The following BCAR1 variants were observed in gnomAD, a reference collection of about 807,000 sequenced individuals.
The protein encoded by BCAR1 is breast cancer anti-estrogen resistance protein 1.
BCAR1 carries 30 observed loss-of-function variants against 67.6 expected under a neutral mutation model. The observed-to-expected ratio is 0.44, with a 90% CI of 0.33 to 0.60. The LOEUF (loss-of-function observed/expected upper bound fraction) is 0.60, where lower values mean the gene tolerates loss of function less well. BCAR1 is among the 20% of genes least tolerant of loss of function. The pLI is 0.02. For synonymous variants in BCAR1, 626 were observed against 556.7 expected, an observed-to-expected ratio of 1.12 and a Z score of -1.75; for missense variants, 1,313 against 1,222.3, an observed-to-expected ratio of 1.07 and a Z score of -1.11.
At chr16:75,242,157 G>T (rs183376263) in intron 2 of BCAR1, among the ~76,000 whole-genome samples, 14 of 152,210 alleles carry the variant, frequency 9.2e-5, no homozygotes, top group Non-Finnish European at 2.9e-5. Flanking sequence ...CCCAGCAACT[G>T]CCGACCCCAT....
chr16:75,238,781 T>G, intron 2 of BCAR1: 2 of 985,500 alleles, frequency 2.0e-6, no homozygotes, highest in Non-Finnish European at 2.4e-6. Context: ...CAGAACTATT[T>G]TTAGATGCAG....
Position 75,251,586 on chromosome 16 carries a change from C to T in BCAR1, c.-104G>A, listed in dbSNP as rs1256927204. ...GAGCGCGCCGCAGCCGCCCCGGTGC[C>T]GCCGCGCAGCTGCCGCCTCGGCCAC... On this transcript the variant is annotated 5_prime_UTR_variant, in exon 1 of 7. Transcript: ENST00000162330. 6 of 1,050,512 alleles carry T rather than the reference C, an allele frequency of 5.7e-6. No individual in the cohort carries two copies. The highest frequency in any genetic ancestry group is 5.7e-6 in the Non-Finnish European group (5 of 874,332). 65.1% of individuals were successfully genotyped at this position (1,050,512 alleles called of 1,614,324 possible). A position where few individuals can be genotyped will look rare whatever the true frequency, so the allele number is the denominator to read the frequency against.
intron 1 of BCAR1, among the ~76,000 whole-genome samples, chr16:75,262,219 C>A (rs528951466): frequency 6.6e-6 from 1 of 152,330 alleles, no homozygotes; most frequent in African/African-American, 2.4e-5. Flanking sequence ...CACGGGGATA[C>A]AGCCACTGGC....
In BCAR1 at chr16:75,235,789, G is replaced by GAAAAAA; in HGVS notation, c.1109_1110insTTTTTT (p.Asp370_Leu371insPhePhe). The stretch of plus-strand genomic sequence containing the variant: ...GCAAGCCAGGGGGCACGTCGTAGAG[G>GAAAAAA]TCAGGAGCCGGGGGCGGCACGTCAT... On this transcript the variant is annotated inframe_insertion, in exon 5 of 7. Coordinates refer to ENST00000162330, the MANE Select transcript of BCAR1 (RefSeq NM_014567.5). 1.9e-6 allele frequency: 3 copies of GAAAAAA among 1,594,928 alleles called. No individual in the cohort carries two copies. The highest frequency in any genetic ancestry group is 2.6e-6 in the Non-Finnish European group (3 of 1,170,108).
chr16:75,265,891 C>T (rs2077999748), intron 1 of BCAR1: 8 of 1,133,432 alleles, frequency 7.1e-6, no homozygotes, highest in South Asian at 4.3e-5. Flanking sequence ...GCTGGGGGCT[C>T]GGGTCCGCCC....
rs376893192 is a variant in BCAR1, at chr16:75,248,041, A to G, written c.12+3430T>C. The G allele has an allele frequency of 4.8e-6, 7 of 1,466,006 alleles. No homozygotes were observed. In the Admixed American group the frequency reaches 5.0e-5, roughly 11 times the overall value. 90.8% of individuals were successfully genotyped at this position (1,466,006 alleles called of 1,614,324 possible). A position where few individuals can be genotyped will look rare whatever the true frequency, so the allele number is the denominator to read the frequency against. ...CATTTAACCCTCAAAACAACCCCATAAGACACGATTACCTCCATCTTACTA... is the reference window on the plus strand; with the variant it reads ...CATTTAACCCTCAAAACAACCCCATGAGACACGATTACCTCCATCTTACTA... On this transcript the variant is annotated intron_variant, in intron 1 of 6. Coordinates refer to ENST00000162330, the MANE Select transcript of BCAR1 (RefSeq NM_014567.5).
chr16:75,233,063 T>C (rs761361121), intron 6 of BCAR1, among the ~76,000 whole-genome samples: 1 of 152,222 alleles, frequency 6.6e-6, no homozygotes, highest in Non-Finnish European at 1.5e-5. Context: ...TGTCTGCATA[T>C]AAACACAGCA....
chr16:75,236,077 C>T (rs933049998), intron 4 of BCAR1, 91 bp from the exon 5 acceptor site: 11 of 1,427,036 alleles, frequency 7.7e-6, no homozygotes, highest in Non-Finnish European at 1.0e-5. Context: ...CACACACACA[C>T]GTACACACAT....
intron 1 of BCAR1, chr16:75,264,120 C>G: frequency 7.7e-7 from 1 of 1,295,220 alleles, no homozygotes; most frequent in Non-Finnish European, 9.8e-7. Context: ...CTGTCCAAGT[C>G]CTACCCAGCC....
chr16:75,267,419 C>T (rs1001679612), intron 1 of BCAR1, among the ~76,000 whole-genome samples: 7 of 150,950 alleles, frequency 4.6e-5, no homozygotes, highest in Non-Finnish European at 1.0e-4. Flanking sequence ...GGGCCTGGAC[C>T]GACAGCTGCC....
At chr16:75,244,899 A>G (rs2077467794) in intron 1 of BCAR1, among the ~76,000 whole-genome samples, 1 of 152,266 alleles carries the variant, frequency 6.6e-6, no homozygotes, top group South Asian at 2.1e-4. Context: ...TAAAGACAAG[A>G]GAGGGTCAGG....
In BCAR1 at chr16:75,229,822, C is replaced by T. The variant is rs111683417; in HGVS notation, c.2302G>A (p.Ala768Thr). Residue 768 changes from alanine (A) to threonine (T), a missense_variant, in exon 7 of 7, where the codon GCC (alanine) becomes ACC (threonine). This residue lies in a region of BCAR1 where 1,272 missense variants were observed against 1,137.5 expected (regional missense o/e 1.12). Coordinates refer to ENST00000162330, the MANE Select transcript of BCAR1 (RefSeq NM_014567.5). ...LTNAVDAFFT[A>T]VATNQPPKIF... ...TTGGGCGGCTGGTTGGTGGCCACGGCGGTAAAGAAGGCGTCCACGGCGTTG... is the reference window on the plus strand; with the variant it reads ...TTGGGCGGCTGGTTGGTGGCCACGGTGGTAAAGAAGGCGTCCACGGCGTTG... 2.5e-6 allele frequency: 4 copies of T among 1,613,426 alleles called. No homozygotes were observed. The highest frequency in any genetic ancestry group is 3.4e-6 in the Non-Finnish European group (4 of 1,179,984).
At chr16:75,266,192 T>C (rs2078006521) in intron 1 of BCAR1, 1 of 230,206 alleles carries the variant, frequency 4.3e-6, no homozygotes, top group Non-Finnish European at 7.2e-6. Context: ...ACCAGTCCCC[T>C]CCCCCAACAC....
intron 1 of BCAR1, among the ~76,000 whole-genome samples, chr16:75,258,980 G>A (rs895363945): frequency 1.3e-5 from 2 of 152,212 alleles, no homozygotes; most frequent in African/African-American, 4.8e-5. Flanking sequence ...GAGGAGGGAC[G>A]CAGGTAGCTT....
chr16:75,235,230 C>T lies in BCAR1; in HGVS notation c.1669G>A (p.Ala557Thr), dbSNP rs1417011482. Reference sequence around the variant, plus strand: ...CCAGCGTCGAGGGCCTGACCATGTGCCACCAGCGTCTGGTGCACGTCCTCC... The same window carrying T: ...CCAGCGTCGAGGGCCTGACCATGTGTCACCAGCGTCTGGTGCACGTCCTCC... ...KMEDVHQTLV[A>T]HGQALDAGRG... Residue 557 changes from alanine (A) to threonine (T), a missense_variant, in exon 5 of 7, where the codon GCA becomes ACA. Transcript: ENST00000162330. 6.2e-7 allele frequency: 1 copy of T among 1,606,960 alleles called. No individual in the cohort carries two copies. The highest frequency in any genetic ancestry group is 1.1e-5 in the South Asian group (1 of 90,966).
chr16:75,236,841 A>G, intron 4 of BCAR1, 41 bp downstream of exon 4: 1 of 1,600,124 alleles, frequency 6.2e-7, no homozygotes, highest in Non-Finnish European at 8.5e-7. Flanking sequence ...GACACCCCAC[A>G]GCCTCAGCCT....
At chr16:75,236,796 G>A in intron 4 of BCAR1, 86 bp downstream of exon 4, 2 of 1,507,354 alleles carry the variant, frequency 1.3e-6, no homozygotes, top group South Asian at 1.4e-5. Context: ...CCCCAGCCCT[G>A]CAGACACTGG....
At chr16:75,241,665 C>A (rs976506562) in intron 2 of BCAR1, among the ~76,000 whole-genome samples, 3 of 152,228 alleles carry the variant, frequency 2.0e-5, no homozygotes, top group African/African-American at 7.2e-5. Flanking sequence ...CGACCTCCGG[C>A]CATGCCTCCT....
intron 6 of BCAR1, among the ~76,000 whole-genome samples, chr16:75,232,999 C>G: frequency 6.6e-6 from 1 of 150,824 alleles, no homozygotes; most frequent in Non-Finnish European, 1.5e-5. Flanking sequence ...TTTTTACATA[C>G]CTCTTTCCTA....
Sources: gnomAD v4.1 joint callset for allele counts (sites outside exome capture counted in the v4.1 genomes callset) on GRCh38, gnomAD v4.1.1 for gene constraint, gnomAD v4.1.1 regional missense constraint, MANE v1.5 for transcripts, NCBI Gene and HGNC (gene_info 2026-07-23, HGNC 2026-07-21) for gene names.